The following CAST variants were observed in gnomAD, a reference collection of about 807,000 sequenced individuals.
CAST encodes the protein calpastatin.
CAST carries 76 observed loss-of-function variants against 119.6 expected under a neutral mutation model. The ratio of observed to expected loss-of-function variants is 0.64; its 90% CI spans 0.53 to 0.77. CAST has a LOEUF of 0.77. Ranked by LOEUF, CAST falls within the 30% of genes least tolerant of loss-of-function variation. The pLI, the probability that CAST is intolerant of heterozygous loss-of-function variation, is 0.00. For missense variants in CAST, 953 were observed against 946.5 expected, an observed-to-expected ratio of 1.01 and a Z score of -0.09; for synonymous variants, 319 against 331.6, an observed-to-expected ratio of 0.96 and a Z score of 0.41.
At chr5:96,492,658 C>CT in the CAST span, among the ~76,000 whole-genome samples, 2 of 152,284 alleles carry the variant, frequency 1.3e-5, no homozygotes, top group Admixed American at 1.3e-4. Flanking sequence ...ATCAAGACAC[C>CT]TACCAGCCAA....
intron 1 of CAST, among the ~76,000 whole-genome samples, chr5:96,614,233 T>G (rs1004734027): frequency 6.6e-6 from 1 of 152,214 alleles, no homozygotes; most frequent in Non-Finnish European, 1.5e-5. Flanking sequence ...TCTCAAATGA[T>G]TCCATTTCCC....
chr5:96,561,786 G>GGTTTTGTTTTTT (rs1189100090), intron 1 of CAST, among the ~76,000 whole-genome samples: 10 of 105,442 alleles, frequency 9.5e-5, no homozygotes, highest in Admixed American at 2.2e-4. Flanking sequence ...TTATATATAT[G>GGTTTTGTTTTTT]TTTTTTTTTG....
At position 96,571,275 on chromosome 5, in the gene CAST, C is replaced by A. The variant is rs535323374; in HGVS notation, c.60+41395C>A. Among the ~76,000 whole-genome samples, 12 of 152,288 alleles carry A rather than the reference C, an allele frequency of 7.9e-5. No homozygotes were observed. The East Asian group carries it at 2.1e-3, about 27-fold the overall frequency. The stretch of plus-strand genomic sequence containing the variant: ...GCTAGAGGGTCTCATAAACCAATAG[C>A]CTAGTCACTGGTGCTTTTAAAAAAC... On this transcript the variant is annotated intron_variant, in intron 1 of 11. Transcript: ENST00000505143.
At chr5:96,227,254 A>T in the CAST span, among the ~76,000 whole-genome samples, 1 of 152,248 alleles carries the variant, frequency 6.6e-6, no homozygotes, top group African/African-American at 2.4e-5. Flanking sequence ...TTAGTTGGAC[A>T]AATTCAATAC....
At chr5:96,100,949 G>A in the CAST span, among the ~76,000 whole-genome samples, 2 of 152,090 alleles carry the variant, frequency 1.3e-5, no homozygotes, top group African/African-American at 4.8e-5. Flanking sequence ...TTAAGAGACA[G>A]GGTCTCAATG....
intron 1 of CAST, among the ~76,000 whole-genome samples, chr5:96,535,671 T>A (rs1210572891): frequency 6.8e-6 from 1 of 146,808 alleles, no homozygotes; most frequent in Non-Finnish European, 1.5e-5. Context: ...CCTCCTGGGT[T>A]AACGCCATTC....
the CAST span, among the ~76,000 whole-genome samples, chr5:96,417,650 G>A: frequency 6.6e-6 from 1 of 152,112 alleles, no homozygotes; most frequent in African/African-American, 2.4e-5. Context: ...AGAACATATT[G>A]TTTGAGCTCT....
At chr5:96,438,923 A>G in the CAST span, among the ~76,000 whole-genome samples, 2 of 152,158 alleles carry the variant, frequency 1.3e-5, no homozygotes, top group African/African-American at 4.8e-5. Flanking sequence ...CTCATTCCAC[A>G]TGTCAGGAGA....
At chr5:96,666,830 G>A (rs1170515796) in intron 1 of CAST, among the ~76,000 whole-genome samples, 2 of 152,234 alleles carry the variant, frequency 1.3e-5, no homozygotes, top group Non-Finnish European at 2.9e-5. Context: ...GGTGGGAACA[G>A]TGGGGGGTCA....
At chr5:96,276,045 G>C in the CAST span, among the ~76,000 whole-genome samples, 1 of 152,050 alleles carries the variant, frequency 6.6e-6, no homozygotes, top group Non-Finnish European at 1.5e-5. Flanking sequence ...GGTCTTCTTC[G>C]TGAAACTGAT....
the CAST span, among the ~76,000 whole-genome samples, chr5:96,072,550 T>G: frequency 4.6e-5 from 7 of 152,186 alleles, no homozygotes; most frequent in African/African-American, 9.6e-5. Context: ...AAACTCTGTT[T>G]TACATATTGA....
At chr5:96,179,299 C>A in the CAST span, among the ~76,000 whole-genome samples, 15 of 152,190 alleles carry the variant, frequency 9.9e-5, no homozygotes, top group African/African-American at 3.6e-4. Context: ...TATTCCCTGT[C>A]CTACCCTTGC....
chr5:96,435,342 C>A, the CAST span, among the ~76,000 whole-genome samples: 1 of 152,188 alleles, frequency 6.6e-6, no homozygotes, highest in African/African-American at 2.4e-5. Context: ...GCCAAGTAAA[C>A]TCTCACAAAA....
At chr5:96,767,884 G>C (rs1291643752) in intron 28 of CAST, 23 bp from the exon 29 acceptor site, 1 of 1,521,610 alleles carries the variant, frequency 6.6e-7, no homozygotes, top group Non-Finnish European at 9.1e-7. Flanking sequence ...CTTCACTGAT[G>C]GTTATTTCTA....
At chr5:96,168,297 G>C in the CAST span, among the ~76,000 whole-genome samples, 2 of 152,200 alleles carry the variant, frequency 1.3e-5, no homozygotes, top group Non-Finnish European at 2.9e-5. Context: ...GGCCCTTGCA[G>C]TGAATGACTC....
At chr5:96,224,060 A>G in the CAST span, among the ~76,000 whole-genome samples, 1 of 152,204 alleles carries the variant, frequency 6.6e-6, no homozygotes, top group African/African-American at 2.4e-5. Context: ...TCTCTGATCC[A>G]CAGAAAGAGA....
chr5:96,132,806 A>G, the CAST span, among the ~76,000 whole-genome samples: 1 of 152,176 alleles, frequency 6.6e-6, no homozygotes, highest in East Asian at 1.9e-4. Context: ...GAAGGAAAAT[A>G]TGTCCCAGCT....
chr5:96,276,407 C>T, the CAST span, among the ~76,000 whole-genome samples: 4 of 152,146 alleles, frequency 2.6e-5, no homozygotes, highest in East Asian at 3.8e-4. Flanking sequence ...TGGTTTCCAA[C>T]GTGGCTTTTT....
the CAST span, among the ~76,000 whole-genome samples, chr5:96,233,741 T>C: frequency 6.6e-6 from 1 of 152,178 alleles, no homozygotes; most frequent in Non-Finnish European, 1.5e-5. Flanking sequence ...CCACACAGCA[T>C]GTTAGAACAC....
Sources: allele counts gnomAD v4.1 joint callset (sites outside exome capture counted in the v4.1 genomes callset), GRCh38; gene constraint gnomAD v4.1.1; transcripts MANE v1.5; gene names NCBI Gene and HGNC (gene_info 2026-07-23, HGNC 2026-07-21).